The following EPB41 variants were observed in gnomAD, a reference collection of about 807,000 sequenced individuals.
EPB41 encodes the protein protein 4.1.
In EPB41, 65 loss-of-function variants were observed where a neutral mutation model predicts 108.0. The observed-to-expected ratio is 0.60, with a 90% confidence interval of 0.49 to 0.74. The LOEUF is 0.74. Among genes scored for constraint, EPB41 ranks in the 30% least tolerant of loss-of-function variants. The probability of loss-of-function intolerance (pLI) is 0.00; values close to 1 mark genes in which losing one functional copy is unlikely to be tolerated. For missense variants in EPB41, 875 were observed against 1,037.0 expected, an observed-to-expected ratio of 0.84 and a Z score of 2.15; for synonymous variants, 336 against 358.9, an observed-to-expected ratio of 0.94 and a Z score of 0.72.
rs772457091 is a variant in EPB41 at position 29,030,432 on chromosome 1, T to G, written c.1157T>G (p.Phe386Cys). ...ACTCCAGCTCAGGCTGACTTGGAGT[T>G]TCTTGAGAATGCCAAAAAGTTGTCT... Reference protein sequence around the residue: ...SMTPAQADLEFLENAKKLSMY... With the variant: ...SMTPAQADLECLENAKKLSMY... Residue 386 changes from phenylalanine (F) to cysteine (C), a missense_variant, in exon 8 of 21, where the codon TTT becomes TGT. Physicochemically the swap from Phe to Cys is radical, Grantham distance 205. Transcript: ENST00000343067. 6.2e-7 allele frequency: 1 copy of G among 1,614,160 alleles called. No homozygotes were observed. Among genetic ancestry groups the G allele is most frequent in the Non-Finnish European group, 8.5e-7 (1 of 1,180,000 alleles).
intron 17 of EPB41, 86 bp downstream of exon 17, chr1:29,098,021 C>A: frequency 1.3e-6 from 2 of 1,573,534 alleles, no homozygotes; most frequent in Non-Finnish European, 1.7e-6. Context: ...CATTTATCGC[C>A]AAGAATACCA....
chr1:28,933,968 T>C (rs961183244), intron 1 of EPB41, among the ~76,000 whole-genome samples: 7 of 152,212 alleles, frequency 4.6e-5, no homozygotes, highest in Non-Finnish European at 8.8e-5. Context: ...CTAAAGTTCA[T>C]ATTTTATTCA....
rs773600748 is a variant in EPB41 at position 29,058,856 on chromosome 1, A to G, written c.1944+4A>G. ...AGATCTGATAAGAATGAGGAAGGTT[A>G]GCCATTTTTCACTTTCACAAAACTA... On this transcript the variant is annotated splice_donor_region_variant and intron_variant, in intron 14 of 20. Transcript: ENST00000343067. The G allele has an allele frequency of 1.8e-5, 28 of 1,551,038 alleles. No homozygotes were observed. In the African/African-American group the frequency reaches 2.6e-4, roughly 14 times the overall value.
intron 7 of EPB41, among the ~76,000 whole-genome samples, chr1:29,029,854 C>G (rs886167182): frequency 3.9e-5 from 6 of 152,152 alleles, no homozygotes; most frequent in Non-Finnish European, 8.8e-5. Context: ...CATCTGTTAC[C>G]AGAAATTTTC....
chr1:28,904,978 C>T (rs889645199), intron 1 of EPB41, among the ~76,000 whole-genome samples: 39 of 148,602 alleles, frequency 2.6e-4, no homozygotes, highest in African/African-American at 8.5e-4. Flanking sequence ...TTGTAGTGAG[C>T]CGAGATCATG....
At chr1:28,970,236 C>T (rs1280996743) in intron 1 of EPB41, among the ~76,000 whole-genome samples, 4 of 152,102 alleles carry the variant, frequency 2.6e-5, no homozygotes, top group East Asian at 1.9e-4. Context: ...AGAGTATCTG[C>T]TAAAACAATC....
At position 28,901,156 on chromosome 1, in the gene EPB41, G is replaced by C. The variant is rs143496617; in HGVS notation, c.-8+13946G>C. ...GTGTTAGCCAGGATAGTCTCGATCT[G>C]CTGACCTTGTGATCCGCCCGCCTTG... On this transcript the variant is annotated intron_variant, in intron 1 of 16. Transcript: ENST00000347529. 1.9e-3 allele frequency among the ~76,000 whole-genome samples: 283 copies of C among 151,862 alleles called. 1 individual carries two copies. Among genetic ancestry groups the C allele is most frequent in the Non-Finnish European group, 3.1e-3 (212 of 67,906 alleles).
At chr1:29,107,222 A>G (rs973539402) in intron 17 of EPB41, among the ~76,000 whole-genome samples, 3 of 152,100 alleles carry the variant, frequency 2.0e-5, no homozygotes. Context: ...AATCAAATAA[A>G]TGAGAAAACT....
intron 16 of EPB41, among the ~76,000 whole-genome samples, chr1:29,086,129 A>G (rs1658797509): frequency 6.6e-6 from 1 of 152,340 alleles, no homozygotes; most frequent in Middle Eastern, 3.4e-3. Context: ...AAGTGCTTGC[A>G]TAAGAAAATA....
chr1:29,053,691 C>G (rs1256427556), intron 12 of EPB41: 1 of 195,884 alleles, frequency 5.1e-6, no homozygotes, highest in African/African-American at 2.4e-5. Context: ...TCCTGATTAG[C>G]CGGGACTACA....
Position 28,990,335 on chromosome 1 carries a change from C to CTTT in EPB41, c.468+2430_468+2431insTTT. Among the ~76,000 whole-genome samples, 3 of 126,446 alleles carry CTTT rather than the reference C, an allele frequency of 2.4e-5. 1 individual carries two copies. In the East Asian group the frequency reaches 6.5e-4, roughly 28 times the overall value. The allele number at this position is 126,446 out of a possible 152,430, so 83.0% of individuals were successfully genotyped here. A position where few individuals can be genotyped will look rare whatever the true frequency, so the allele number is the denominator to read the frequency against. ...TCCTTCCTTCCTTCCTTCCTTCCTT[C>CTTT]CCTCCCTCCCTCCCTCCCTCCCTTC... On this transcript the variant is annotated intron_variant, in intron 2 of 20. Transcript: ENST00000343067.
rs374489494 is a variant in EPB41 at position 29,015,780 on chromosome 1, T to C, written c.905+13T>C. The stretch of plus-strand genomic sequence containing the variant: ...AAGACATAACAAGGTAAATAAGTAA[T>C]AGTTAAATATGTAATTTATCATATA... On this transcript the variant is annotated intron_variant, in intron 6 of 20. Transcript: ENST00000343067. 6.7e-7 allele frequency: 1 copy of C among 1,499,322 alleles called. No homozygotes were observed. Among genetic ancestry groups the C allele is most frequent in the Non-Finnish European group, 9.3e-7 (1 of 1,076,884 alleles). The allele number at this position is 1,499,322 out of a possible 1,614,324, so 92.9% of individuals were successfully genotyped here. A position where few individuals can be genotyped will look rare whatever the true frequency, so the allele number is the denominator to read the frequency against.
chr1:29,089,013 G>A (rs527424030), intron 16 of EPB41, among the ~76,000 whole-genome samples: 1 of 152,218 alleles, frequency 6.6e-6, no homozygotes, highest in African/African-American at 2.4e-5. Flanking sequence ...AATACCTTCT[G>A]GTGTCATGGG....
At chr1:29,038,115 A>G (rs1387446110) in intron 10 of EPB41, among the ~76,000 whole-genome samples, 1 of 152,224 alleles carries the variant, frequency 6.6e-6, no homozygotes, top group South Asian at 2.1e-4. Flanking sequence ...ATATTTTCAT[A>G]TAATAGCACT....
At chr1:28,937,103 A>G (rs2094064709) in intron 1 of EPB41, among the ~76,000 whole-genome samples, 1 of 152,184 alleles carries the variant, frequency 6.6e-6, no homozygotes, top group Non-Finnish European at 1.5e-5. Flanking sequence ...AATTATAGCT[A>G]TCCTAAAGGG....
chr1:28,979,924 A>G (rs550060797), intron 1 of EPB41, among the ~76,000 whole-genome samples: 35 of 152,360 alleles, frequency 2.3e-4, no homozygotes, highest in Non-Finnish European at 4.1e-4. Context: ...GGTGCAATCA[A>G]GGCTTCTAAA....
At chr1:28,971,819 A>G (rs900347191) in intron 1 of EPB41, among the ~76,000 whole-genome samples, 3 of 152,198 alleles carry the variant, frequency 2.0e-5, no homozygotes, top group Admixed American at 1.3e-4. Flanking sequence ...ATTATGGTCT[A>G]TAGATTTAAA....
intron 1 of EPB41, among the ~76,000 whole-genome samples, chr1:28,963,649 C>A (rs2095284532): frequency 6.6e-6 from 1 of 152,114 alleles, no homozygotes; most frequent in Non-Finnish European, 1.5e-5. Context: ...CTGTGGCTTT[C>A]ATTAGATTCT....
At chr1:28,964,211 G>A (rs756591634) in intron 1 of EPB41, among the ~76,000 whole-genome samples, 4 of 152,112 alleles carry the variant, frequency 2.6e-5, no homozygotes, top group African/African-American at 9.7e-5. Flanking sequence ...AGGTTGAGGC[G>A]GGCGATCACT....
Sources: gnomAD v4.1 joint callset for allele counts (sites outside exome capture counted in the v4.1 genomes callset) on GRCh38, gnomAD v4.1.1 for gene constraint, MANE v1.5 for transcripts, NCBI Gene and HGNC (gene_info 2026-07-23, HGNC 2026-07-21) for gene names.